EXOC6: variants seen among roughly 807,000 people sequenced by gnomAD.
EXOC6 encodes SEC15-like 1.
In EXOC6, 60 loss-of-function variants were observed where a neutral mutation model predicts 112.5. The ratio of observed to expected loss-of-function variants is 0.53; its 90% confidence interval spans 0.43 to 0.66. The LOEUF is 0.66. Ranked by LOEUF, EXOC6 falls within the 30% of genes least tolerant of loss-of-function variation. The pLI is 0.00. For missense variants in EXOC6, 855 were observed against 957.1 expected (o/e 0.89, Z 1.41); for synonymous variants, 295 against 308.0 (o/e 0.96, Z 0.44).
intron 18 of EXOC6, among the ~76,000 whole-genome samples, chr10:92,984,452 T>C (rs1485071278): frequency 6.6e-6 from 1 of 152,156 alleles, no homozygotes; most frequent in Non-Finnish European, 1.5e-5. Context: ...GCATAGCTGT[T>C]ACCCTGGGAC....
At chr10:92,931,389 T>C (rs1852028803) in intron 9 of EXOC6, among the ~76,000 whole-genome samples, 1 of 150,938 alleles carries the variant, frequency 6.6e-6, no homozygotes, top group Non-Finnish European at 1.5e-5. Context: ...TGTCAGGCTA[T>C]TTTTTTTAGT....
chr10:93,000,486 G>A (rs1843710251), intron 19 of EXOC6, among the ~76,000 whole-genome samples: 6 of 152,144 alleles, frequency 3.9e-5, no homozygotes, highest in African/African-American at 1.2e-4. Flanking sequence ...GACCAAGAAA[G>A]GTCCTGAGTA....
chr10:93,044,107 G>A (rs969487004), intron 20 of EXOC6, among the ~76,000 whole-genome samples: 2 of 152,178 alleles, frequency 1.3e-5, no homozygotes, highest in African/African-American at 4.8e-5. Flanking sequence ...CTTCAGCATA[G>A]TTTGATAACT....
intron 20 of EXOC6, among the ~76,000 whole-genome samples, chr10:93,021,310 C>T (rs1285840529): frequency 6.6e-6 from 1 of 151,836 alleles, no homozygotes; most frequent in Non-Finnish European, 1.5e-5. Context: ...CAAGACCCTA[C>T]CTCTAAAACA....
upstream of EXOC6, chr10:92,848,500 C>T (rs1235582491): frequency 1.5e-6 from 2 of 1,304,492 alleles, no homozygotes; most frequent in East Asian, 5.0e-5. Context: ...TCCCGCGGCG[C>T]CGCGCCTCGC....
At chr10:92,923,155 T>C (rs1256310646) in intron 8 of EXOC6, among the ~76,000 whole-genome samples, 1 of 152,190 alleles carries the variant, frequency 6.6e-6, no homozygotes, top group Non-Finnish European at 1.5e-5. Context: ...AGGACAACAC[T>C]GAGGTATAAC....
chr10:93,003,373 G>A (rs1054102486), intron 19 of EXOC6, among the ~76,000 whole-genome samples: 9 of 152,138 alleles, frequency 5.9e-5, no homozygotes, highest in Admixed American at 2.0e-4. Flanking sequence ...GTTTTTGTTC[G>A]TTTTATTTTT....
intron 10 of EXOC6, 43 bp from the exon 11 acceptor site, chr10:92,934,267 G>C: frequency 2.6e-6 from 4 of 1,537,818 alleles, no homozygotes; most frequent in Non-Finnish European, 3.5e-6. Context: ...TTTCTATTAG[G>C]GTTTTTTTTT....
upstream of EXOC6, chr10:92,848,343 C>A (rs747951153): frequency 6.0e-4 from 122 of 203,076 alleles, no homozygotes; most frequent in Non-Finnish European, 9.0e-4. Context: ...AGCTCACAGC[C>A]CCCGCTCACT....
chr10:92,859,792 C>T (rs893949530), intron 1 of EXOC6, among the ~76,000 whole-genome samples: 6 of 147,634 alleles, frequency 4.1e-5, no homozygotes, highest in African/African-American at 1.0e-4. Flanking sequence ...TCTGTCTCTC[C>T]GTCTGTGTGT....
intron 19 of EXOC6, among the ~76,000 whole-genome samples, chr10:93,000,339 G>A (rs1843703314): frequency 6.6e-6 from 1 of 152,090 alleles, no homozygotes; most frequent in South Asian, 2.1e-4. Flanking sequence ...TTGGAGAAAG[G>A]CCCAAACACC....
intron 18 of EXOC6, among the ~76,000 whole-genome samples, chr10:92,988,746 G>A (rs1843108857): frequency 6.6e-6 from 1 of 151,720 alleles, no homozygotes; most frequent in Non-Finnish European, 1.5e-5. Flanking sequence ...GATCACTTGA[G>A]GCCAGGAGTT....
At chr10:92,883,889 C>T (rs1960367) in intron 1 of EXOC6, among the ~76,000 whole-genome samples, 119,652 of 151,946 alleles carry the variant, frequency 0.79, 48,314 homozygotes, top group East Asian at 1. Context: ...TCTTTTTGTT[C>T]TTTTCTTTTC....
Position 92,928,397 on chromosome 10 carries a change from T to G in EXOC6, c.947T>G (p.Leu316Arg). 1 of 1,608,888 alleles carries G rather than the reference T, an allele frequency of 6.2e-7. No individual in the cohort carries two copies. Among genetic ancestry groups the G allele is most frequent in the Non-Finnish European group, 8.5e-7 (1 of 1,176,676 alleles). The change falls in exon 9 of 22, where the codon CTG becomes CGG. Residue 316 changes from leucine to arginine, a missense_variant. This residue lies in a region of EXOC6 where 405 missense variants were observed against 393.6 expected (regional missense o/e 1.03). Transcript: ENST00000260762. Reference protein sequence around the residue: ...YRKQRKKQARLVLQPQSNMHE... With the variant: ...YRKQRKKQARRVLQPQSNMHE... The stretch of plus-strand genomic sequence containing the variant: ...AAACAAAGAAAGAAACAAGCAAGAC[T>G]GGTATTGCAACCCCAGTCGAATATG...
At chr10:92,861,110 T>G (rs1465627135) in intron 1 of EXOC6, among the ~76,000 whole-genome samples, 1 of 152,236 alleles carries the variant, frequency 6.6e-6, no homozygotes, top group African/African-American at 2.4e-5. Flanking sequence ...TACCAGAGTC[T>G]TCATTGTTTT....
chr10:92,960,532 C>T (rs1001809122), intron 17 of EXOC6, among the ~76,000 whole-genome samples: 1 of 145,442 alleles, frequency 6.9e-6, no homozygotes, highest in African/African-American at 2.6e-5. Context: ...AATCTCTGTA[C>T]TTTCTGTTCA....
At chr10:92,855,977 G>A (rs997459503) in intron 1 of EXOC6, among the ~76,000 whole-genome samples, 1 of 152,078 alleles carries the variant, frequency 6.6e-6, no homozygotes, top group African/African-American at 2.4e-5. Flanking sequence ...CGATTCTCCT[G>A]TTTCAGCCTC....
intron 20 of EXOC6, among the ~76,000 whole-genome samples, chr10:93,050,270 G>T (rs1326589241): frequency 6.6e-6 from 1 of 152,170 alleles, no homozygotes; most frequent in African/African-American, 2.4e-5. Flanking sequence ...GGAGTTAAAG[G>T]CCAGACGCAG....
intron 17 of EXOC6, among the ~76,000 whole-genome samples, chr10:92,968,044 T>A (rs148271373): frequency 1.3e-5 from 2 of 152,302 alleles, no homozygotes; most frequent in Non-Finnish European, 1.5e-5. Context: ...GTGTGTTATC[T>A]TTAGTTCTGT....
Sources: allele counts gnomAD v4.1 joint callset (sites outside exome capture counted in the v4.1 genomes callset), GRCh38; gene constraint gnomAD v4.1.1; regional missense constraint gnomAD v4.1.1; transcripts MANE v1.5; gene names NCBI Gene and HGNC (gene_info 2026-07-23, HGNC 2026-07-21).